Variants in ARHGAP20 observed in about 807,000 individuals in gnomAD.
ARHGAP20 encodes Rho GTPase activating protein 20.
In ARHGAP20, 34 loss-of-function variants were observed where a neutral mutation model predicts 73.7. The ratio of observed to expected loss-of-function variants is 0.46; its 90% CI spans 0.35 to 0.61. The LOEUF is 0.61. ARHGAP20 is among the 20% of genes least tolerant of loss of function. ARHGAP20 has a pLI of 0.00. For missense variants in ARHGAP20, 1,314 were observed against 1,420.9 expected (o/e 0.92, Z 1.21); for synonymous variants, 523 against 518.2 (o/e 1.01, Z -0.13).
chr11:110,678,202 G>A (rs1461078041), intron 2 of ARHGAP20, among the ~76,000 whole-genome samples: 1 of 152,128 alleles, frequency 6.6e-6, no homozygotes, highest in African/African-American at 2.4e-5. Context: ...GCTTAGAGCT[G>A]GGGATGTGGA....
At chr11:110,711,522 C>G (rs1950655526) in intron 1 of ARHGAP20, 1 of 1,193,610 alleles carries the variant, frequency 8.4e-7, no homozygotes, top group African/African-American at 1.6e-5. Context: ...ACCTGGGAGA[C>G]CCGGAATCAT....
At chr11:110,619,818 A>G (rs1488784218) in intron 4 of ARHGAP20, among the ~76,000 whole-genome samples, 1 of 151,990 alleles carries the variant, frequency 6.6e-6, no homozygotes, top group Admixed American at 6.6e-5. Context: ...GCAGTGATAG[A>G]GTATATGCAG....
At chr11:110,655,766 A>C (rs951859040) in intron 2 of ARHGAP20, among the ~76,000 whole-genome samples, 10 of 152,094 alleles carry the variant, frequency 6.6e-5, no homozygotes, top group Non-Finnish European at 1.2e-4. Flanking sequence ...AGAGATGACC[A>C]AAAAAGAGGG....
Position 110,614,663 on chromosome 11 carries a change from C to T in ARHGAP20, c.546-18G>A. On this transcript the variant is annotated intron_variant, in intron 5 of 14. Transcript: ENST00000683387. ...TGATGTATCTAATCAAATGCAACAG[C>T]AACCCAAAACAACACTGAGTCAGAT... is the stretch of plus-strand genomic sequence containing the variant. 6.7e-7 allele frequency: 1 copy of T among 1,494,396 alleles called. No individual in the cohort carries two copies. The highest frequency in any genetic ancestry group is 1.2e-5 in the South Asian group (1 of 81,524). 92.6% of individuals were successfully genotyped at this position (1,494,396 alleles called of 1,614,324 possible).
chr11:110,589,319 T>C (rs1479981112), intron 11 of ARHGAP20: 18 of 875,638 alleles, frequency 2.1e-5, no homozygotes, highest in Non-Finnish European at 2.3e-5. Context: ...TTGCATGATA[T>C]CTAATTGCAA....
rs1948361525 is a variant in ARHGAP20 at position 110,611,326 on chromosome 11, G to A, written c.691C>T (p.Pro231Ser). ...TANEVINMSLPMLGITGSERD... is the reference protein window; with the variant it reads ...TANEVINMSLSMLGITGSERD... ...TAACTTACAGTTATCCCTAGCATTG[G>A]TAATGACATGTTGATAACTTCATTC... The change falls in exon 7 of 15, where the codon CCA (proline) becomes TCA (serine). Residue 231 changes from proline (P) to serine (S), a missense_variant. This residue lies in a region of ARHGAP20 where 443 missense variants were observed against 466.4 expected (regional missense o/e 0.95). Transcript: ENST00000683387. 6.4e-7 allele frequency: 1 copy of A among 1,562,968 alleles called. No individual in the cohort carries two copies.
chr11:110,611,106 CAG>C (rs1357503165), intron 7 of ARHGAP20, among the ~76,000 whole-genome samples: 9 of 151,954 alleles, frequency 5.9e-5, no homozygotes, highest in African/African-American at 2.2e-4. Context: ...TCAGTTCACA[CAG>C]ATTTTAAAAT....
In ARHGAP20 at chr11:110,652,049, T is replaced by C. The variant is rs780601358; in HGVS notation, c.189-21257A>G. 5.9e-5 allele frequency among the ~76,000 whole-genome samples: 9 copies of C among 152,306 alleles called. No individual in the cohort carries two copies. In the South Asian group the frequency reaches 6.2e-4, roughly 11 times the overall value. On this transcript the variant is annotated intron_variant, in intron 2 of 14. Transcript: ENST00000683387. The stretch of plus-strand genomic sequence containing the variant: ...AAAAAGCTTATCCACCACAATCATG[T>C]TGGCTTCATCCCTGGGATGCAAGGC...
At chr11:110,604,298 C>T (rs754811083) in intron 9 of ARHGAP20, among the ~76,000 whole-genome samples, 5 of 152,134 alleles carry the variant, frequency 3.3e-5, no homozygotes, top group African/African-American at 4.8e-5. Flanking sequence ...TCAGCTGGCC[C>T]TTGGCATCAC....
chr11:110,619,630 G>A (rs1164390585), intron 4 of ARHGAP20, among the ~76,000 whole-genome samples: 4 of 152,006 alleles, frequency 2.6e-5, no homozygotes, highest in Non-Finnish European at 4.4e-5. Flanking sequence ...TGCAGTGATA[G>A]AGTATATGCA....
chr11:110,591,050 T>G (rs946136189), intron 10 of ARHGAP20, among the ~76,000 whole-genome samples: 1 of 152,150 alleles, frequency 6.6e-6, no homozygotes, highest in Non-Finnish European at 1.5e-5. Flanking sequence ...ATACAAAATT[T>G]CAGTTAGGAG....
At chr11:110,644,425 C>A (rs1041305058) in intron 2 of ARHGAP20, among the ~76,000 whole-genome samples, 2 of 152,032 alleles carry the variant, frequency 1.3e-5, no homozygotes, top group Non-Finnish European at 2.9e-5. Context: ...ATCGCAATAA[C>A]CAAAACAGCA....
chr11:110,633,067 G>C (rs893512533), intron 2 of ARHGAP20, among the ~76,000 whole-genome samples: 2 of 152,140 alleles, frequency 1.3e-5, no homozygotes, highest in African/African-American at 2.4e-5. Context: ...TACTCATCAA[G>C]ATATTCTCCA....
chr11:110,630,760 G>C lies in ARHGAP20; in HGVS notation c.221C>G (p.Thr74Arg). The change falls in exon 3 of 15, where the codon ACA becomes AGA. Residue 74 changes from threonine (T) to arginine (R), a missense_variant. This residue lies in a region of ARHGAP20 where 443 missense variants were observed against 466.4 expected (regional missense o/e 0.95). Transcript: ENST00000683387. ...GGAGCACACTAATGATGACAGAAAT[G>C]TGCATGTGTCAACACTAGCAGAAGG... is the stretch of plus-strand genomic sequence containing the variant. ...DSPSASVDTC[T>R]FLSSLVCSNR... 3 of 1,614,004 alleles carry C rather than the reference G, an allele frequency of 1.9e-6. No homozygotes were observed. Among genetic ancestry groups the C allele is most frequent in the Non-Finnish European group, 2.5e-6 (3 of 1,179,928 alleles).
At chr11:110,677,582 C>CTGAA (rs775557809) in intron 2 of ARHGAP20, among the ~76,000 whole-genome samples, 3 of 152,060 alleles carry the variant, frequency 2.0e-5, no homozygotes, top group Non-Finnish European at 4.4e-5. Context: ...GATTTTGAGG[C>CTGAA]TGAAGTAAGC....
At chr11:110,606,850 T>C (rs1002484443) in intron 8 of ARHGAP20, 101 bp from the exon 9 acceptor site, 1 of 1,044,868 alleles carries the variant, frequency 9.6e-7, no homozygotes, top group Non-Finnish European at 1.3e-6. Context: ...CTGGGACTTT[T>C]GGCATAAAGA....
chr11:110,631,394 G>A (rs1948857943), intron 2 of ARHGAP20, among the ~76,000 whole-genome samples: 1 of 152,162 alleles, frequency 6.6e-6, no homozygotes, highest in Non-Finnish European at 1.5e-5. Context: ...TGGCTCCTGA[G>A]TTGTTTATTT....
chr11:110,581,311 T>C, intron 14 of ARHGAP20, 86 bp from the exon 15 acceptor site: 1 of 1,327,446 alleles, frequency 7.5e-7, no homozygotes, highest in Middle Eastern at 2.5e-4. Flanking sequence ...TCTTTTCATG[T>C]GAAGTGTTCA....
chr11:110,579,928 T>A lies in ARHGAP20; in HGVS notation c.3018A>T (p.Ser1006=). ...SHVSGMPGPS[S]GQACSRPAYT... is the part of the protein sequence containing the mutation. ...AGGCTGGGCGGCTGCAAGCCTGCCC[T>A]GATGAGGGACCGGGCATTCCGGAAA... The change falls in exon 15 of 15, where the codon TCA becomes TCT. Residue 1006 remains serine (S), a synonymous_variant. Coordinates refer to ENST00000683387, the MANE Select transcript of ARHGAP20 (RefSeq NM_001384657.1). The A allele has an allele frequency of 6.2e-7, 1 of 1,614,208 alleles. No homozygotes were observed. Among genetic ancestry groups the A allele is most frequent in the South Asian group, 1.1e-5 (1 of 91,082 alleles).
Sources: allele counts gnomAD v4.1 joint callset (sites outside exome capture counted in the v4.1 genomes callset), GRCh38; gene constraint gnomAD v4.1.1; regional missense constraint gnomAD v4.1.1; transcripts MANE v1.5; gene names NCBI Gene and HGNC (gene_info 2026-07-23, HGNC 2026-07-21).